Variants in BORCS5 observed in about 807,000 individuals in gnomAD.
The protein encoded by BORCS5 is BLOC-1-related complex subunit 5.
A neutral mutation model predicts 22.1 loss-of-function variants in BORCS5; 17 were observed. The observed-to-expected ratio is 0.77, with a 90% confidence interval of 0.53 to 1.15. BORCS5 has a LOEUF of 1.15. Ranked by LOEUF, BORCS5 falls within the 50% of genes most tolerant of loss-of-function variation. The pLI is 0.00. For missense variants in BORCS5, 247 were observed against 253.2 expected, an observed-to-expected ratio of 0.98 and a Z score of 0.17; for synonymous variants, 117 against 99.8, an observed-to-expected ratio of 1.17 and a Z score of -1.03.
At chr12:12,421,128 G>C (rs1303312608) in intron 2 of BORCS5, among the ~76,000 whole-genome samples, 4 of 152,130 alleles carry the variant, frequency 2.6e-5, no homozygotes, top group Admixed American at 1.3e-4. Context: ...GTCTTGTGCC[G>C]ATTTTCAAAG....
chr12:12,426,239 A>G (rs1942284191), intron 2 of BORCS5, among the ~76,000 whole-genome samples: 1 of 152,192 alleles, frequency 6.6e-6, no homozygotes, highest in South Asian at 2.1e-4. Context: ...GCAGTTGAAC[A>G]TTTACTTAAT....
chr12:12,381,021 T>G (rs1863763854), intron 2 of BORCS5, among the ~76,000 whole-genome samples: 1 of 148,626 alleles, frequency 6.7e-6, no homozygotes. Flanking sequence ...ATTTTTTTTT[T>G]TTTTTTTTGA....
intron 2 of BORCS5, among the ~76,000 whole-genome samples, chr12:12,369,022 TAATG>T (rs1346973184): frequency 3.3e-5 from 5 of 152,172 alleles, no homozygotes; most frequent in Non-Finnish European, 5.9e-5. Flanking sequence ...TTTGATCACT[TAATG>T]AAAGAGAGGT....
At chr12:12,464,413 T>C (rs921884542) in intron 3 of BORCS5, among the ~76,000 whole-genome samples, 4 of 152,176 alleles carry the variant, frequency 2.6e-5, no homozygotes, top group African/African-American at 9.7e-5. Flanking sequence ...CATGAGTTTG[T>C]TTTTGTGTCT....
chr12:12,451,650 G>A (rs1313594622), intron 3 of BORCS5, among the ~76,000 whole-genome samples: 2 of 152,186 alleles, frequency 1.3e-5, no homozygotes, highest in African/African-American at 4.8e-5. Flanking sequence ...TTGGGAGGCC[G>A]AGGCGGGCGG....
intron 2 of BORCS5, among the ~76,000 whole-genome samples, chr12:12,407,738 C>T (rs1317693514): frequency 1.4e-5 from 2 of 147,598 alleles, no homozygotes; most frequent in African/African-American, 2.5e-5. Context: ...CAGGGCCTCA[C>T]GCTGTCACCC....
At chr12:12,417,517 T>C (rs1301115197) in intron 2 of BORCS5, among the ~76,000 whole-genome samples, 1 of 152,176 alleles carries the variant, frequency 6.6e-6, no homozygotes, top group Non-Finnish European at 1.5e-5. Context: ...TTACTTATCT[T>C]CTGTTTGGTG....
intron 2 of BORCS5, among the ~76,000 whole-genome samples, chr12:12,362,554 T>C (rs1188961153): frequency 6.6e-6 from 1 of 151,808 alleles, no homozygotes; most frequent in Non-Finnish European, 1.5e-5. Context: ...CTAATCAATT[T>C]CTTCCCTACA....
At chr12:12,409,225 TTTA>T (rs1200974570) in intron 2 of BORCS5, among the ~76,000 whole-genome samples, 5 of 152,054 alleles carry the variant, frequency 3.3e-5, no homozygotes, top group Admixed American at 1.3e-4. Flanking sequence ...TATTTTTTAT[TTTA>T]TTATTATTAT....
chr12:12,435,632 A>G lies in BORCS5; in HGVS notation c.207A>G (p.Leu69=), dbSNP rs983771208. 25 of 1,613,192 alleles carry G rather than the reference A, an allele frequency of 1.5e-5. No homozygotes were observed. The highest frequency in any genetic ancestry group is 6.7e-5 in the African/African-American group (5 of 74,880). ...TCATTTTTTTCTCCTTTGAAGGGCT[A>G]TTGAGTGGCCAGACTTCCCCAACAA... The part of the protein sequence containing the change: ...IPTFQPLLKG[L]LSGQTSPTNA... Residue 69 remains leucine, a synonymous_variant, in exon 3 of 4, where the codon CTA becomes CTG. Coordinates refer to ENST00000314565, the MANE Select transcript of BORCS5 (RefSeq NM_058169.6).
In BORCS5 at chr12:12,396,799, A is replaced by G. The variant is rs184228911; in HGVS notation, c.202+35450A>G. 7.9e-5 allele frequency among the ~76,000 whole-genome samples: 12 copies of G among 152,344 alleles called. No individual in the cohort carries two copies. In the East Asian group the frequency reaches 2.3e-3, roughly 29 times the overall value. On this transcript the variant is annotated intron_variant, in intron 2 of 3. Coordinates refer to ENST00000314565, the MANE Select transcript of BORCS5 (RefSeq NM_058169.6). ...TTTAGAAACCATTAACCTTTATGTT[A>G]ATAAAATAATGTTTTTAAATGAGCA... is the stretch of plus-strand genomic sequence containing the variant.
intron 2 of BORCS5, among the ~76,000 whole-genome samples, chr12:12,396,889 CT>C (rs1008416269): frequency 1.3e-5 from 2 of 152,310 alleles, no homozygotes; most frequent in Middle Eastern, 6.8e-3. Flanking sequence ...GCTCAGCATA[CT>C]TTTTGAAAAT....
chr12:12,375,777 A>G (rs1592063732), intron 2 of BORCS5, among the ~76,000 whole-genome samples: 1 of 152,194 alleles, frequency 6.6e-6, no homozygotes. Flanking sequence ...GGTGAAAATC[A>G]TCAGCAAAAG....
chr12:12,459,555 C>T (rs1262248698), intron 3 of BORCS5, among the ~76,000 whole-genome samples: 3 of 152,204 alleles, frequency 2.0e-5, no homozygotes, highest in African/African-American at 7.2e-5. Context: ...GATGATCCAC[C>T]CGTCTCAGCC....
chr12:12,404,936 A>G (rs1417710424), intron 2 of BORCS5, among the ~76,000 whole-genome samples: 2 of 152,092 alleles, frequency 1.3e-5, no homozygotes, highest in Non-Finnish European at 2.9e-5. Flanking sequence ...CCTGGCCTCA[A>G]GTGATCCACC....
At chr12:12,436,482 C>G (rs574553763) in intron 3 of BORCS5, among the ~76,000 whole-genome samples, 1 of 152,328 alleles carries the variant, frequency 6.6e-6, no homozygotes, top group East Asian at 1.9e-4. Context: ...TAAGTAAGTA[C>G]ATTTTCCAAA....
At chr12:12,389,358 G>C (rs944297527) in intron 2 of BORCS5, among the ~76,000 whole-genome samples, 1 of 150,702 alleles carries the variant, frequency 6.6e-6, no homozygotes, top group Non-Finnish European at 1.5e-5. Flanking sequence ...GGCTGGTCTC[G>C]AACTCTTGAC....
chr12:12,408,634 A>T (rs1337687814), intron 2 of BORCS5, among the ~76,000 whole-genome samples: 2 of 152,214 alleles, frequency 1.3e-5, no homozygotes, highest in Non-Finnish European at 2.9e-5. Context: ...TGTACTTCAT[A>T]TAAATGGAAT....
At chr12:12,388,596 A>G (rs1199067694) in intron 2 of BORCS5, among the ~76,000 whole-genome samples, 1 of 150,260 alleles carries the variant, frequency 6.7e-6, no homozygotes, top group Non-Finnish European at 1.5e-5. Context: ...CCATAATTAT[A>G]CAAAAAGGGA....
Sources: allele counts gnomAD v4.1 joint callset (sites outside exome capture counted in the v4.1 genomes callset), GRCh38; gene constraint gnomAD v4.1.1; transcripts MANE v1.5; gene names NCBI Gene and HGNC (gene_info 2026-07-23, HGNC 2026-07-21).